The following EYS variants were observed in gnomAD, a reference collection of about 807,000 sequenced individuals.
The protein encoded by EYS is EGF-like photoreceptor maintenance factor, also known as protein eyes shut homolog.
In EYS, 250 loss-of-function variants were observed where a neutral mutation model predicts 282.1. The ratio of observed to expected loss-of-function variants is 0.89; its 90% confidence interval spans 0.80 to 0.98. The LOEUF (loss-of-function observed/expected upper bound fraction) is 0.98. EYS is among the 50% of genes least tolerant of loss of function. EYS has a pLI of 0.00. For synonymous variants in EYS, 1,355 were observed against 1,282.9 expected (o/e 1.06, Z -1.20); for missense variants, 4,016 against 3,709.0 (o/e 1.08, Z -2.15).
At chr6:64,643,121 C>G (rs35828719) in intron 22 of EYS, among the ~76,000 whole-genome samples, 1 of 74,738 alleles carries the variant, frequency 1.3e-5, no homozygotes, top group African/African-American at 5.3e-5. Flanking sequence ...ATCCCCCCCC[C>G]CAAAAAAAAA....
chr6:65,688,281 T>C (rs1401270353), intron 1 of EYS, among the ~76,000 whole-genome samples: 2 of 151,946 alleles, frequency 1.3e-5, no homozygotes, highest in African/African-American at 4.8e-5. Flanking sequence ...TAATGCTGCA[T>C]ATCTACAACC....
At chr6:65,358,132 G>T (rs1017272701) in intron 8 of EYS, among the ~76,000 whole-genome samples, 2 of 151,860 alleles carry the variant, frequency 1.3e-5, no homozygotes, top group Non-Finnish European at 2.9e-5. Context: ...ACATGGAAGT[G>T]TTCACTTAGT....
intron 12 of EYS, among the ~76,000 whole-genome samples, chr6:65,171,927 T>C (rs1332744411): frequency 6.6e-6 from 1 of 151,516 alleles, no homozygotes; most frequent in East Asian, 2.0e-4. Context: ...AAGTATTATA[T>C]ACCATGAATA....
chr6:65,224,746 A>G (rs1030116337), intron 12 of EYS, among the ~76,000 whole-genome samples: 5 of 152,172 alleles, frequency 3.3e-5, no homozygotes, highest in African/African-American at 7.2e-5. Context: ...AACAGAAATA[A>G]AAGGATAAAA....
intron 22 of EYS, among the ~76,000 whole-genome samples, chr6:64,662,127 A>C (rs370669857): frequency 1.3e-5 from 2 of 150,808 alleles, no homozygotes; most frequent in Non-Finnish European, 3.0e-5. Flanking sequence ...GCAAACTATC[A>C]CAAGGACAAA....
At chr6:63,990,997 T>C (rs9450499) in intron 34 of EYS, among the ~76,000 whole-genome samples, 3,982 of 151,676 alleles carry the variant, frequency 0.026, 148 homozygotes, top group African/African-American at 0.083. Flanking sequence ...ACTGAGAGTG[T>C]TAATGGGACT....
chr6:65,254,890 A>G (rs935986951), intron 12 of EYS, among the ~76,000 whole-genome samples: 8 of 151,952 alleles, frequency 5.3e-5, no homozygotes, highest in Admixed American at 5.3e-4. Flanking sequence ...TTGAAAAATA[A>G]ACATGAATTT....
At chr6:63,921,039 C>T (rs1245967227) in intron 35 of EYS, among the ~76,000 whole-genome samples, 1 of 152,096 alleles carries the variant, frequency 6.6e-6, no homozygotes, top group African/African-American at 2.4e-5. Flanking sequence ...ACTACAGGCA[C>T]TGGCCACCAC....
intron 19 of EYS, among the ~76,000 whole-genome samples, chr6:64,855,190 G>T (rs1766018942): frequency 6.6e-6 from 1 of 152,144 alleles, no homozygotes; most frequent in South Asian, 2.1e-4. Flanking sequence ...GTGTGTGTGT[G>T]TTGTACTCAT....
chr6:65,638,947 T>C (rs1307922115), intron 2 of EYS, among the ~76,000 whole-genome samples: 1 of 152,198 alleles, frequency 6.6e-6, no homozygotes, highest in Non-Finnish European at 1.5e-5. Context: ...AAGATTTTAA[T>C]TTAGAAATTG....
Position 64,831,734 on chromosome 6 carries a change from AGAG to A in EYS, c.2993-8915_2993-8913del, listed in dbSNP as rs775604286. Among the ~76,000 whole-genome samples, 93 of 152,036 alleles carry A rather than the reference AGAG, an allele frequency of 6.1e-4. 1 individual carries two copies. The highest frequency in any genetic ancestry group is 8.5e-4 in the Admixed American group (13 of 15,222). On this transcript the variant is annotated intron_variant, in intron 19 of 42. Coordinates refer to ENST00000503581, the MANE Select transcript of EYS (RefSeq NM_001142800.2). ...TACCACAAGAATGCGGCCAGTTGTTAGAGGACTTCACAGTTTATTGTAAAAGTT... is the reference window on the plus strand; with the variant it reads ...TACCACAAGAATGCGGCCAGTTGTTAGACTTCACAGTTTATTGTAAAAGTT...
At chr6:65,604,555 T>C (rs1016411882) in intron 2 of EYS, among the ~76,000 whole-genome samples, 1 of 152,012 alleles carries the variant, frequency 6.6e-6, no homozygotes, top group African/African-American at 2.4e-5. Flanking sequence ...TGTCAAAATT[T>C]GGAATGTACA....
chr6:65,329,497 G>C (rs1193735243), intron 11 of EYS: 9 of 977,830 alleles, frequency 9.2e-6, no homozygotes, highest in Non-Finnish European at 1.1e-5. Flanking sequence ...TTAGACACTT[G>C]ATCTAGTGGT....
intron 18 of EYS, among the ~76,000 whole-genome samples, chr6:64,888,345 G>A (rs749357373): frequency 1.3e-4 from 19 of 151,860 alleles, no homozygotes; most frequent in Non-Finnish European, 2.1e-4. Context: ...ATCCTTATTC[G>A]TTCATTACAA....
intron 2 of EYS, among the ~76,000 whole-genome samples, chr6:65,569,191 G>A (rs1764392954): frequency 6.6e-6 from 1 of 152,018 alleles, no homozygotes; most frequent in South Asian, 2.1e-4. Context: ...CGGCTCAAAA[G>A]CTCCCCCACT....
rs898093296 is a variant in EYS at position 65,662,551 on chromosome 6, T to C, written c.-447-22659A>G. Among the ~76,000 whole-genome samples, 154 of 152,212 alleles carry C rather than the reference T, an allele frequency of 1.0e-3. 2 individuals are homozygous for C. The highest frequency in any genetic ancestry group is 0.01 in the Admixed American group (153 of 15,280). On this transcript the variant is annotated intron_variant, in intron 1 of 42. Coordinates refer to ENST00000503581, the MANE Select transcript of EYS (RefSeq NM_001142800.2). The stretch of plus-strand genomic sequence containing the variant: ...AATTAATATTTGCTTTATTTTAATC[T>C]ACCATAAAATTGTCTGTAAATGGAA...
chr6:64,453,765 C>A (rs1775453451), intron 26 of EYS, among the ~76,000 whole-genome samples: 1 of 152,048 alleles, frequency 6.6e-6, no homozygotes, highest in Non-Finnish European at 1.5e-5. Context: ...GGAGAAAAAA[C>A]CAAACACCGC....
At chr6:65,199,340 T>G (rs1333238221) in intron 12 of EYS, among the ~76,000 whole-genome samples, 1 of 152,098 alleles carries the variant, frequency 6.6e-6, no homozygotes, top group South Asian at 2.1e-4. Flanking sequence ...AATTGGCCAT[T>G]CTCCAATGAC....
At chr6:63,832,864 C>A (rs1023299574) in intron 36 of EYS, among the ~76,000 whole-genome samples, 4 of 152,142 alleles carry the variant, frequency 2.6e-5, no homozygotes, top group Non-Finnish European at 4.4e-5. Flanking sequence ...AAAGCTTATC[C>A]ACCATGATCA....
Sources: gnomAD v4.1 joint callset for allele counts (sites outside exome capture counted in the v4.1 genomes callset) on GRCh38, gnomAD v4.1.1 for gene constraint, MANE v1.5 for transcripts, NCBI Gene and HGNC (gene_info 2026-07-23, HGNC 2026-07-21) for gene names.